RORA: variants seen among roughly 807,000 people sequenced by gnomAD.
RORA encodes RAR related orphan receptor A.
Under a neutral mutation model 69.5 loss-of-function variants are expected in RORA, and 7 were observed. The ratio of observed to expected loss-of-function variants is 0.10; its 90% confidence interval spans 0.06 to 0.19. RORA has a LOEUF of 0.19. Among genes scored for constraint, RORA ranks in the 10% least tolerant of loss-of-function variants. RORA has a pLI of 1.00. For synonymous variants in RORA, 261 were observed against 240.8 expected, an observed-to-expected ratio of 1.08 and a Z score of -0.78; for missense variants, 457 against 663.0, an observed-to-expected ratio of 0.69 and a Z score of 3.41.
At chr15:60,791,877 G>C (rs573393417) in intron 1 of RORA, among the ~76,000 whole-genome samples, 1 of 152,054 alleles carries the variant, frequency 6.6e-6, no homozygotes, top group South Asian at 2.1e-4. Context: ...ACAATCATTT[G>C]TTTTGTCTAT....
intron 2 of RORA, among the ~76,000 whole-genome samples, chr15:60,632,790 TTCTC>T (rs1257342608): frequency 6.6e-6 from 1 of 152,128 alleles, no homozygotes; most frequent in East Asian, 1.9e-4. Flanking sequence ...ATTATCTGCA[TTCTC>T]TCTATTACCA....
intron 1 of RORA, among the ~76,000 whole-genome samples, chr15:61,052,597 G>C (rs780427311): frequency 1.3e-5 from 2 of 152,200 alleles, no homozygotes; most frequent in African/African-American, 4.8e-5. Flanking sequence ...CCAGATCAAA[G>C]ACAGCCTGTT....
intron 1 of RORA, among the ~76,000 whole-genome samples, chr15:60,708,615 A>T (rs190577137): frequency 2.6e-5 from 4 of 152,236 alleles, no homozygotes; most frequent in African/African-American, 9.6e-5. Context: ...TTGCACAAAA[A>T]TTATTGCATT....
At chr15:60,522,166 T>TA (rs2066189793) in intron 3 of RORA, among the ~76,000 whole-genome samples, 1 of 152,200 alleles carries the variant, frequency 6.6e-6, no homozygotes, top group African/African-American at 2.4e-5. Flanking sequence ...ATTCCTGACA[T>TA]AAAAAATTAA....
chr15:60,948,624 AT>A (rs537646725), intron 1 of RORA, among the ~76,000 whole-genome samples: 2 of 152,142 alleles, frequency 1.3e-5, no homozygotes, highest in Non-Finnish European at 2.9e-5. Context: ...ATTTTCTCCT[AT>A]TTTAAAGATG....
intron 3 of RORA, among the ~76,000 whole-genome samples, chr15:60,523,509 C>T (rs1480853342): frequency 6.6e-6 from 1 of 151,946 alleles, no homozygotes; most frequent in Non-Finnish European, 1.5e-5. Flanking sequence ...TTTTGCTTTC[C>T]AGAGAGCCAG....
Position 60,537,162 on chromosome 15 carries a change from G to A in RORA, c.197-5311C>T, listed in dbSNP as rs2066706198. Among the ~76,000 whole-genome samples the A allele has an allele frequency of 6.6e-6, 1 of 152,192 alleles. No homozygotes were observed. Among genetic ancestry groups the A allele is most frequent in the Non-Finnish European group, 1.5e-5 (1 of 68,036 alleles). ...GGCTTGCGTGTCAAGGTTAGCCGGG[G>A]GAGAGCTGCAGAGTCTTCACCTTAT... On this transcript the variant is annotated intron_variant, in intron 2 of 10. Transcript: ENST00000335670. This position sits in a 1 kb window ranked among gnomAD's most constrained non-coding sequence, Gnocchi z 4.9.
At chr15:60,993,770 C>A (rs1224829386) in intron 1 of RORA, among the ~76,000 whole-genome samples, 1 of 151,754 alleles carries the variant, frequency 6.6e-6, no homozygotes, top group Non-Finnish European at 1.5e-5. Context: ...AACCTAACTG[C>A]AATCTTTTAA....
chr15:61,104,227 C>T (rs1438115402), intron 1 of RORA, among the ~76,000 whole-genome samples: 1 of 152,180 alleles, frequency 6.6e-6, no homozygotes, highest in Admixed American at 6.5e-5. Flanking sequence ...AGCACCTTCA[C>T]GCTATGCAGA....
intron 1 of RORA, among the ~76,000 whole-genome samples, chr15:60,891,063 G>A (rs1383423390): frequency 6.6e-6 from 1 of 152,242 alleles, no homozygotes; most frequent in Non-Finnish European, 1.5e-5. Flanking sequence ...GGGGGGAGAT[G>A]TCTCGGGAAG....
At chr15:60,595,621 C>G (rs1193296543) in intron 2 of RORA, among the ~76,000 whole-genome samples, 1 of 151,090 alleles carries the variant, frequency 6.6e-6, no homozygotes, top group East Asian at 1.9e-4. Flanking sequence ...CTTATGAGTA[C>G]CGACTGAGGG....
intron 1 of RORA, among the ~76,000 whole-genome samples, chr15:61,040,163 T>TATATATATAA (rs1491503044): frequency 1.8e-5 from 2 of 108,956 alleles, no homozygotes; most frequent in African/African-American, 3.6e-5. Flanking sequence ...TATATATATA[T>TATATATATAA]AAAATATATG....
chr15:60,622,536 T>C (rs1003876676), intron 2 of RORA, among the ~76,000 whole-genome samples: 4 of 151,624 alleles, frequency 2.6e-5, no homozygotes, highest in African/African-American at 9.7e-5. Context: ...CACCTGAGCC[T>C]GGGAGGTGGA....
At position 60,678,776 on chromosome 15, in the gene RORA, G is replaced by A. The variant is rs139990061; in HGVS notation, c.167-90C>T. The A allele has an allele frequency of 3.3e-4, 360 of 1,107,662 alleles. 1 individual carries two copies. Among genetic ancestry groups the A allele is most frequent in the African/African-American group, 2.4e-3 (153 of 64,706 alleles). The allele number at this position is 1,107,662 out of a possible 1,614,324, so 68.6% of individuals were successfully genotyped here. ...TCATTCCCAGTGTGCTCAGGAAGGC[G>A]TTTAGTTCAGATGGGGAAGTGGAAG... On this transcript the variant is annotated intron_variant, in intron 1 of 10. Coordinates refer to ENST00000335670, the MANE Select transcript of RORA (RefSeq NM_134261.3).
chr15:60,672,982 T>C (rs2070497620), intron 2 of RORA, among the ~76,000 whole-genome samples: 2 of 152,216 alleles, frequency 1.3e-5, no homozygotes, highest in Non-Finnish European at 2.9e-5. Context: ...TTATCAAGTA[T>C]GTAATAAGTC....
chr15:60,944,527 G>C (rs1892803507), intron 1 of RORA, among the ~76,000 whole-genome samples: 1 of 151,954 alleles, frequency 6.6e-6, no homozygotes, highest in African/African-American at 2.4e-5. Flanking sequence ...GACCAGCTTG[G>C]GCAACATAGT....
At chr15:60,952,232 A>C (rs1893129657) in intron 1 of RORA, among the ~76,000 whole-genome samples, 1 of 152,050 alleles carries the variant, frequency 6.6e-6, no homozygotes, top group South Asian at 2.1e-4. Flanking sequence ...CTTTGACAAA[A>C]TTCAACAACG....
intron 1 of RORA, among the ~76,000 whole-genome samples, chr15:60,947,481 T>C (rs1203201712): frequency 2.0e-5 from 3 of 151,970 alleles, no homozygotes; most frequent in East Asian, 1.9e-4. Context: ...GTTAAACAGA[T>C]GCTTGAAGGC....
chr15:61,057,140 T>C (rs2078107580), intron 1 of RORA, among the ~76,000 whole-genome samples: 1 of 152,158 alleles, frequency 6.6e-6, no homozygotes, highest in Admixed American at 6.5e-5. Flanking sequence ...CAGGTCTCCT[T>C]AGACTCGACA....
Sources: allele counts gnomAD v4.1 joint callset (sites outside exome capture counted in the v4.1 genomes callset), GRCh38; gene constraint gnomAD v4.1.1; non-coding constraint Gnocchi (gnomAD v3.1); transcripts MANE v1.5; gene names NCBI Gene and HGNC (gene_info 2026-07-23, HGNC 2026-07-21).